The following CDH4 variants were observed in gnomAD, a reference collection of about 807,000 sequenced individuals.
CDH4 encodes cadherin 4, also known as cadherin-4.
CDH4 carries 33 observed loss-of-function variants against 86.0 expected under a neutral mutation model. The observed-to-expected ratio is 0.38, with a 90% CI of 0.29 to 0.51. CDH4 has a LOEUF of 0.51. Ranked by LOEUF, CDH4 falls within the 20% of genes least tolerant of loss-of-function variation. The pLI, the probability that CDH4 is intolerant of heterozygous loss-of-function variation, is 0.86. For missense variants in CDH4, 1,114 were observed against 1,307.4 expected, an observed-to-expected ratio of 0.85 and a Z score of 2.28; for synonymous variants, 555 against 549.4, an observed-to-expected ratio of 1.01 and a Z score of -0.14.
At chr20:61,826,337 G>C (rs1041940047) in intron 4 of CDH4, among the ~76,000 whole-genome samples, 8 of 152,226 alleles carry the variant, frequency 5.3e-5, no homozygotes, top group African/African-American at 1.9e-4. Context: ...CAGCGCCTCT[G>C]CCTTCCCAAG....
chr20:61,440,525 T>C (rs1296852825), intron 2 of CDH4, among the ~76,000 whole-genome samples: 1 of 152,248 alleles, frequency 6.6e-6, no homozygotes, highest in African/African-American at 2.4e-5. Flanking sequence ...ACATCTATTT[T>C]TGCAAAATTT....
chr20:61,814,952 G>A (rs1216343531), intron 4 of CDH4, among the ~76,000 whole-genome samples: 2 of 152,164 alleles, frequency 1.3e-5, no homozygotes, highest in East Asian at 3.9e-4. Context: ...AAAGCCCAGG[G>A]TGTTCTAGTG....
At chr20:61,664,408 G>T (rs11905382) in intron 2 of CDH4, among the ~76,000 whole-genome samples, 18 of 152,314 alleles carry the variant, frequency 1.2e-4, no homozygotes, top group African/African-American at 4.3e-4. Context: ...CACAGCTGGG[G>T]CATGGGGAGA....
At position 61,584,832 on chromosome 20, in the gene CDH4, C is replaced by T. The variant is rs185819257; in HGVS notation, c.170-158731C>T. On this transcript the variant is annotated intron_variant, in intron 2 of 15. Transcript: ENST00000614565. ...AGCTGCGAGGCTAACGCACGGGGCGCGCTGCCTGGGCCAGCAGCTCTCCCG... is the reference window on the plus strand; with the variant it reads ...AGCTGCGAGGCTAACGCACGGGGCGTGCTGCCTGGGCCAGCAGCTCTCCCG... 5.4e-5 allele frequency among the ~76,000 whole-genome samples: 8 copies of T among 147,356 alleles called. No homozygotes were observed. In the East Asian group the frequency reaches 1.0e-3, roughly 19 times the overall value.
chr20:61,554,660 A>G (rs2086160606), intron 2 of CDH4, among the ~76,000 whole-genome samples: 2 of 152,226 alleles, frequency 1.3e-5, no homozygotes, highest in African/African-American at 4.8e-5. Flanking sequence ...CTGAGCCTGC[A>G]GTGGGTGGGT....
At chr20:61,256,763 G>A (rs1165417301) in intron 2 of CDH4, among the ~76,000 whole-genome samples, 2 of 152,248 alleles carry the variant, frequency 1.3e-5, no homozygotes, top group Non-Finnish European at 2.9e-5. Context: ...AAGCACCTGA[G>A]CATGCTGGGT....
chr20:61,801,068 G>A (rs556586887), intron 4 of CDH4, among the ~76,000 whole-genome samples: 54 of 152,300 alleles, frequency 3.5e-4, no homozygotes, highest in Non-Finnish European at 5.4e-4. Context: ...CTTGGTTTTC[G>A]GTGGGGGCTT....
intron 2 of CDH4, among the ~76,000 whole-genome samples, chr20:61,666,128 C>G (rs895817979): frequency 4.8e-4 from 73 of 152,322 alleles, no homozygotes; most frequent in African/African-American, 1.7e-3. Flanking sequence ...CCATCTTAAT[C>G]CTGGCTTGCA....
chr20:61,346,734 ACT>A (rs781186174), intron 2 of CDH4, among the ~76,000 whole-genome samples: 1 of 119,674 alleles, frequency 8.4e-6, no homozygotes, highest in Non-Finnish European at 1.7e-5. Context: ...ACAGAGCGAG[ACT>A]CTGTCAAAAA....
At chr20:61,652,938 A>ATTTTTTTTTTTTTTTTTTTTTTTTTTTT (rs763918382) in intron 2 of CDH4, among the ~76,000 whole-genome samples, 23 of 97,392 alleles carry the variant, frequency 2.4e-4, no homozygotes, top group Non-Finnish European at 5.0e-4. Flanking sequence ...TTATTTATTT[A>ATTTTTTTTTTTTTTTTTTTTTTTTTTTT]TTTTTTTTTT....
chr20:61,728,988 A>G (rs934368982), intron 2 of CDH4, among the ~76,000 whole-genome samples: 3 of 152,164 alleles, frequency 2.0e-5, no homozygotes, highest in African/African-American at 7.2e-5. Flanking sequence ...GCAGTGACTC[A>G]GGGCAGCAGC....
At chr20:61,714,972 T>G (rs1390449696) in intron 2 of CDH4, among the ~76,000 whole-genome samples, 4 of 152,186 alleles carry the variant, frequency 2.6e-5, no homozygotes, top group Non-Finnish European at 4.4e-5. Context: ...TTTTAGTTCT[T>G]TAAGAAATCT....
At chr20:61,903,401 TG>T (rs912634858) in intron 8 of CDH4, among the ~76,000 whole-genome samples, 3 of 151,922 alleles carry the variant, frequency 2.0e-5, no homozygotes, top group African/African-American at 7.3e-5. Context: ...AAAAATTAGC[TG>T]GGCATGATGG....
At chr20:61,635,794 G>A (rs76224152) in intron 2 of CDH4, among the ~76,000 whole-genome samples, 72 of 152,294 alleles carry the variant, frequency 4.7e-4, no homozygotes, top group African/African-American at 1.5e-3. Flanking sequence ...TTCCTGGTCC[G>A]CGCCTGCCCC....
At chr20:61,523,582 G>A (rs1379960032) in intron 2 of CDH4, among the ~76,000 whole-genome samples, 1 of 152,216 alleles carries the variant, frequency 6.6e-6, no homozygotes, top group Non-Finnish European at 1.5e-5. Context: ...TAAACACCAG[G>A]GCAGATTGCA....
At chr20:61,515,804 C>T (rs759102763) in intron 2 of CDH4, among the ~76,000 whole-genome samples, 1 of 152,122 alleles carries the variant, frequency 6.6e-6, no homozygotes, top group Non-Finnish European at 1.5e-5. Context: ...TTGTTCTTGT[C>T]GGAAATCTAC....
At chr20:61,289,765 G>A (rs1181550425) in intron 2 of CDH4, among the ~76,000 whole-genome samples, 46 of 18,274 alleles carry the variant, frequency 2.5e-3, no homozygotes, top group African/African-American at 0.011. Flanking sequence ...CGTATCCAAC[G>A]AGACTTGCTG....
At chr20:61,589,825 T>TAA (rs372321209) in intron 2 of CDH4, among the ~76,000 whole-genome samples, 3 of 133,350 alleles carry the variant, frequency 2.2e-5, no homozygotes, top group African/African-American at 5.5e-5. Context: ...TAATAATAAT[T>TAA]AAAAAAAAAA....
intron 2 of CDH4, among the ~76,000 whole-genome samples, 195 bp from the exon 3 acceptor site, chr20:61,743,368 T>C (rs558416042): frequency 4.4e-4 from 67 of 152,328 alleles, no homozygotes; most frequent in African/African-American, 1.6e-3. Flanking sequence ...CCCCCCCTTT[T>C]TTAAAGGCCT....
Sources: gnomAD v4.1 joint callset for allele counts (sites outside exome capture counted in the v4.1 genomes callset) on GRCh38, gnomAD v4.1.1 for gene constraint, MANE v1.5 for transcripts, NCBI Gene and HGNC (gene_info 2026-07-23, HGNC 2026-07-21) for gene names.